The following CR1 variants were observed in gnomAD, a reference collection of about 807,000 sequenced individuals.
CR1 encodes complement C3b/C4b receptor 1 (Knops blood group).
In CR1, 116 loss-of-function variants were observed where a neutral mutation model predicts 187.3. The ratio of observed to expected loss-of-function variants is 0.62; its 90% CI spans 0.53 to 0.72. The LOEUF (loss-of-function observed/expected upper bound fraction) is 0.72, where lower values mean the gene tolerates loss of function less well. Among genes scored for constraint, CR1 ranks in the 30% least tolerant of loss-of-function variants. The probability of loss-of-function intolerance (pLI) is 0.00; values close to 1 mark genes in which losing one functional copy is unlikely to be tolerated. For missense variants in CR1, 1,731 were observed against 2,110.7 expected (o/e 0.82, Z 3.52); for synonymous variants, 576 against 747.1 (o/e 0.77, Z 3.73).
Position 207,617,612 on chromosome 1 carries a change from TAGAGAGAGAGAGAGAGAGAGAGAG to T in CR1, c.6890-431_6890-408del, listed in dbSNP as rs1156448710. ...ATATATATATATATATATATATATATAGAGAGAGAGAGAGAGAGAGAGAGAGAGAGAGAGAGAGAGAGAGAGAGA... is the reference window on the plus strand; with the variant it reads ...ATATATATATATATATATATATATATAGAGAGAGAGAGAGAGAGAGAGAGA... On this transcript the variant is annotated intron_variant, in intron 41 of 46. Coordinates refer to ENST00000367049, the MANE Select transcript of CR1 (RefSeq NM_000651.6). Among the ~76,000 whole-genome samples the T allele has an allele frequency of 9.6e-3, 210 of 21,962 alleles. 2 individuals carry two copies. Among genetic ancestry groups the T allele is most frequent in the Middle Eastern group, 0.022 (1 of 46 alleles). The allele number at this position is 21,962 out of a possible 152,430, so 14.4% of individuals were successfully genotyped here.
At chr1:207,611,568 A>T (rs1029759068) in intron 37 of CR1, 109 bp from the exon 38 acceptor site, 2 of 1,475,920 alleles carry the variant, frequency 1.4e-6, no homozygotes, top group Non-Finnish European at 1.8e-6. Context: ...CTTCTCTTTT[A>T]ATAGCTGCAC....
chr1:207,605,587 A>G (rs763167450), intron 35 of CR1, among the ~76,000 whole-genome samples: 33 of 152,208 alleles, frequency 2.2e-4, no homozygotes, highest in Admixed American at 7.2e-4. Context: ...AATCTAGCTT[A>G]GTCACAGCGA....
Position 207,639,397 on chromosome 1 carries a change from G to A in CR1, c.7458G>A (p.Arg2486=). ...RTLQTNEENS[R]VLP ...AAATGAAAACATCCTGTTATTTCAG[G>A]GTCCTTCCTTGACAAAGTACTATAC... Residue 2486 remains arginine (R), a splice_region_variant and synonymous_variant, in exon 47 of 47, where the codon AGG becomes AGA. Transcript: ENST00000367049. 6.3e-7 allele frequency: 1 copy of A among 1,599,020 alleles called. No individual in the cohort carries two copies. The highest frequency in any genetic ancestry group is 1.1e-5 in the South Asian group (1 of 88,332).
chr1:207,518,818 G>T (rs1236929638), intron 4 of CR1, among the ~76,000 whole-genome samples: 2 of 152,142 alleles, frequency 1.3e-5, no homozygotes, highest in African/African-American at 2.4e-5. Context: ...GATCATTAAC[G>T]TGATTGTATC....
At chr1:207,632,687 A>G (rs1662681889) in intron 46 of CR1, among the ~76,000 whole-genome samples, 1 of 150,284 alleles carries the variant, frequency 6.7e-6, no homozygotes, top group South Asian at 2.1e-4. Context: ...AGTCCCAGCT[A>G]CTCGGGAGGC....
intron 35 of CR1, among the ~76,000 whole-genome samples, chr1:207,600,065 T>C (rs1661562764): frequency 6.6e-6 from 1 of 152,184 alleles, no homozygotes; most frequent in Admixed American, 6.5e-5. Flanking sequence ...CTATTGCAAT[T>C]ACTCAGTTCT....
chr1:207,617,598 TATATATATATATATAGAGAG>T (rs1279520438), intron 41 of CR1, among the ~76,000 whole-genome samples: 615 of 38,304 alleles, frequency 0.016, 2 homozygotes, highest in South Asian at 0.028. Context: ...TATATATATA[TATATATATATATATAGAGAG>T]AGAGAGAGAG....
intron 46 of CR1, among the ~76,000 whole-genome samples, chr1:207,632,764 C>T (rs1662685536): frequency 7.4e-6 from 1 of 134,732 alleles, no homozygotes; most frequent in Non-Finnish European, 1.5e-5. Flanking sequence ...CGCCACTGTA[C>T]TCCAGCCTGG....
intron 27 of CR1, among the ~76,000 whole-genome samples, chr1:207,574,408 A>C (rs758640537): frequency 4.6e-5 from 7 of 152,228 alleles, no homozygotes; most frequent in African/African-American, 7.2e-5. Context: ...ATTCACACCT[A>C]GAGGCTCCAG....
At chr1:207,634,511 T>C (rs1662751850) in intron 46 of CR1, among the ~76,000 whole-genome samples, 1 of 152,108 alleles carries the variant, frequency 6.6e-6, no homozygotes, top group African/African-American at 2.4e-5. Flanking sequence ...AGCTGTGTGT[T>C]GGACATGAGA....
chr1:207,601,725 G>A (rs1396897689), intron 35 of CR1, among the ~76,000 whole-genome samples: 1 of 152,066 alleles, frequency 6.6e-6, no homozygotes, highest in Non-Finnish European at 1.5e-5. Flanking sequence ...TTGGAAAAAT[G>A]TCTATTCTCA....
chr1:207,499,332 C>T (rs1659193902), intron 1 of CR1, among the ~76,000 whole-genome samples: 1 of 152,100 alleles, frequency 6.6e-6, no homozygotes, highest in Admixed American at 6.5e-5. Flanking sequence ...ATGTATGCAC[C>T]TGATGGAGAG....
At chr1:207,630,034 G>C (rs771378964) in intron 45 of CR1, among the ~76,000 whole-genome samples, 28 of 152,128 alleles carry the variant, frequency 1.8e-4, no homozygotes, top group Non-Finnish European at 3.8e-4. Flanking sequence ...TCTTTTTACT[G>C]TTAGTTCTTA....
At chr1:207,594,095 A>G (rs930944805) in intron 35 of CR1, among the ~76,000 whole-genome samples, 1 of 152,228 alleles carries the variant, frequency 6.6e-6, no homozygotes, top group Non-Finnish European at 1.5e-5. Flanking sequence ...CAGCAATCCC[A>G]TTACTGAGTA....
In CR1 at chr1:207,580,360, C is replaced by T. The variant is rs539603642; in HGVS notation, c.5057C>T (p.Ala1686Val). ...CCTGGCTATGACCTCAGAGGGGCTG[C>T]GTCTCTGCACTGCACACCCCAGGGA... ...CEPGYDLRGAASLHCTPQGDW... is the reference protein window; with the variant it reads ...CEPGYDLRGAVSLHCTPQGDW... Residue 1686 changes from alanine to valine, a missense_variant, in exon 30 of 47, where the codon GCG (alanine) becomes GTG (valine). Physicochemically the swap from Ala to Val is moderately conservative, Grantham distance 64. Coordinates refer to ENST00000367049, the MANE Select transcript of CR1 (RefSeq NM_000651.6). 68 of 1,613,982 alleles carry T rather than the reference C, an allele frequency of 4.2e-5. No homozygotes were observed. The highest frequency in any genetic ancestry group is 1.3e-4 in the Admixed American group (8 of 60,022).
intron 41 of CR1, 73 bp downstream of exon 41, chr1:207,616,875 A>G: frequency 6.4e-7 from 1 of 1,552,772 alleles, no homozygotes; most frequent in Non-Finnish European, 8.7e-7. Context: ...TTCTATAGTG[A>G]CAGTCATTTT....
At chr1:207,610,623 T>G (rs1179832303) in intron 37 of CR1, among the ~76,000 whole-genome samples, 4 of 152,200 alleles carry the variant, frequency 2.6e-5, no homozygotes, top group Non-Finnish European at 5.9e-5. Flanking sequence ...TGAGCCACCA[T>G]GCCTAGTTTC....
intron 39 of CR1, 67 bp from the exon 40 acceptor site, chr1:207,614,337 T>C: frequency 8.1e-7 from 1 of 1,238,100 alleles, no homozygotes; most frequent in Non-Finnish European, 1.2e-6. Context: ...TGAGCATCTA[T>C]TAGCGAAGAA....
intron 42 of CR1, 106 bp from the exon 43 acceptor site, chr1:207,619,774 C>T (rs572504857): frequency 4.3e-6 from 4 of 931,520 alleles, no homozygotes; most frequent in African/African-American, 1.7e-5. Flanking sequence ...CATGCTTCCT[C>T]TTAGCCAAGG....
Sources: gnomAD v4.1 joint callset for allele counts (sites outside exome capture counted in the v4.1 genomes callset) on GRCh38, gnomAD v4.1.1 for gene constraint, MANE v1.5 for transcripts, NCBI Gene and HGNC (gene_info 2026-07-23, HGNC 2026-07-21) for gene names.